Variants in TUBB6 observed in about 807,000 individuals in gnomAD.
The protein encoded by TUBB6 is tubulin beta 6 class V.
TUBB6 carries 18 observed loss-of-function variants against 32.3 expected under a neutral mutation model. The observed-to-expected ratio is 0.56, with a 90% CI of 0.39 to 0.83. TUBB6 has a LOEUF of 0.83. Ranked by LOEUF, TUBB6 falls within the 40% of genes least tolerant of loss-of-function variation. TUBB6 has a pLI of 0.00. For missense variants in TUBB6, 480 were observed against 632.0 expected, an observed-to-expected ratio of 0.76 and a Z score of 2.58; for synonymous variants, 280 against 265.8, an observed-to-expected ratio of 1.05 and a Z score of -0.52.
At chr18:12,324,666 GTC>G (rs1243210576) in intron 3 of TUBB6, 2 of 631,680 alleles carry the variant, frequency 3.2e-6, no homozygotes, top group African/African-American at 3.8e-5. Context: ...GCCCAGGCTG[GTC>G]TCTAACTCCT....
Position 12,325,401 on chromosome 18 carries a change from C to T in TUBB6, c.612C>T (p.Asn204=), listed in dbSNP as rs898873356. Residue 204 remains asparagine, a synonymous_variant, in exon 4 of 4, where the codon AAC becomes AAT. Transcript: ENST00000317702. ...CAGACGAGACCTACTGCATCGACAA[C>T]GAGGCGCTCTATGACATCTGCTTCC... is the stretch of plus-strand genomic sequence containing the variant. ...ENTDETYCID[N]EALYDICFRT... 1.4e-5 allele frequency: 22 copies of T among 1,614,104 alleles called. No homozygotes were observed. The highest frequency in any genetic ancestry group is 2.2e-5 in the East Asian group (1 of 44,890).
chr18:12,317,287 C>A (rs1906726321), intron 3 of TUBB6, among the ~76,000 whole-genome samples: 1 of 152,090 alleles, frequency 6.6e-6, no homozygotes, highest in Non-Finnish European at 1.5e-5. Context: ...CATAGTAAGA[C>A]CCTCTGTACA....
intron 3 of TUBB6, among the ~76,000 whole-genome samples, chr18:12,324,370 C>CA (rs547809402): frequency 8.2e-5 from 12 of 145,872 alleles, no homozygotes; most frequent in East Asian, 6.0e-4. Context: ...ACTGCGTCTC[C>CA]AAAAAAAAGA....
At chr18:12,314,687 C>T (rs1351564867) in intron 3 of TUBB6, among the ~76,000 whole-genome samples, 2 of 152,066 alleles carry the variant, frequency 1.3e-5, no homozygotes, top group Non-Finnish European at 2.9e-5. Context: ...ATACCTTCTT[C>T]AAAGAAGGAT....
chr18:12,325,950 C>A lies in TUBB6; in HGVS notation c.1161C>A (p.Ala387=), dbSNP rs759218977. 21 of 1,614,068 alleles carry A rather than the reference C, an allele frequency of 1.3e-5. No homozygotes were observed. Among genetic ancestry groups the A allele is most frequent in the Non-Finnish European group, 1.7e-5 (20 of 1,180,046 alleles). Residue 387 remains alanine (A), a synonymous_variant, in exon 4 of 4, where the codon GCC becomes GCA. Transcript: ENST00000317702. ...AGCGCATCTCCGAGCAGTTCTCAGC[C>A]ATGTTCCGGCGCAAGGCCTTCCTGC... The part of the protein sequence containing the change: ...LFKRISEQFS[A]MFRRKAFLHW...
chr18:12,326,246 C>T lies in TUBB6; in HGVS notation c.*116C>T. On this transcript the variant is annotated 3_prime_UTR_variant, in exon 4 of 4. Coordinates refer to ENST00000317702, the MANE Select transcript of TUBB6 (RefSeq NM_032525.3). ...ACTGGTTTAATTGTGTTGGTGTCGG[C>T]CCCTCACAAATGCAGCCAAGTCATG... 1 of 1,411,918 alleles carries T rather than the reference C, an allele frequency of 7.1e-7. No individual in the cohort carries two copies. Among genetic ancestry groups the T allele is most frequent in the Non-Finnish European group, 9.3e-7 (1 of 1,069,722 alleles). 87.5% of individuals were successfully genotyped at this position (1,411,918 alleles called of 1,614,324 possible).
intron 3 of TUBB6, 51 bp from the exon 4 acceptor site, chr18:12,325,016 G>A (rs1907196970): frequency 6.6e-7 from 1 of 1,525,532 alleles, no homozygotes; most frequent in Admixed American, 2.1e-5. Flanking sequence ...CAAGCATGGT[G>A]ATGGCGCAGC....
rs181193626 is a variant in TUBB6, at chr18:12,316,388, T to C, written c.277+5335T>C. On this transcript the variant is annotated intron_variant, in intron 3 of 3. Coordinates refer to ENST00000317702, the MANE Select transcript of TUBB6 (RefSeq NM_032525.3). ...CTATGGTGCCCATTTAGTTATCTAA[T>C]TGTCCCTGTAAGCCTTCAAAAATGT... Among the ~76,000 whole-genome samples the C allele has an allele frequency of 1.1e-4, 17 of 152,360 alleles. No individual in the cohort carries two copies. In the East Asian group the frequency reaches 3.3e-3, roughly 29 times the overall value.
chr18:12,309,307 C>G lies in TUBB6; in HGVS notation c.166+512C>G, dbSNP rs572386086. Among the ~76,000 whole-genome samples the G allele has an allele frequency of 3.3e-5, 5 of 150,080 alleles. No homozygotes were observed. The South Asian group carries it at 1.1e-3, about 32-fold the overall frequency. Reference sequence around the variant, plus strand: ...GGTCGAGGCTGCAGTGAGCTGTGATCGCGCCACTGCACTCCAGCCTGGGTG... The same window carrying G: ...GGTCGAGGCTGCAGTGAGCTGTGATGGCGCCACTGCACTCCAGCCTGGGTG... On this transcript the variant is annotated intron_variant, in intron 2 of 3. Transcript: ENST00000317702.
At chr18:12,313,185 C>G (rs2144135112) in intron 3 of TUBB6, among the ~76,000 whole-genome samples, 1 of 152,194 alleles carries the variant, frequency 6.6e-6, no homozygotes. Flanking sequence ...GTATAAGAAA[C>G]AGATGTCCAT....
chr18:12,312,254 T>C (rs1307031898), intron 3 of TUBB6, among the ~76,000 whole-genome samples: 1 of 152,042 alleles, frequency 6.6e-6, no homozygotes, highest in Non-Finnish European at 1.5e-5. Context: ...TACTTAAAAA[T>C]ATAGATGCAA....
intron 3 of TUBB6, among the ~76,000 whole-genome samples, chr18:12,312,265 A>C (rs1005175569): frequency 6.6e-6 from 1 of 151,912 alleles, no homozygotes; most frequent in African/African-American, 2.4e-5. Flanking sequence ...ATAGATGCAA[A>C]AATCCAAAAT....
upstream of TUBB6, chr18:12,308,040 G>A (rs1906077816): frequency 6.5e-6 from 1 of 153,032 alleles, no homozygotes; most frequent in Non-Finnish European, 1.5e-5. Context: ...TCTCCTCCCC[G>A]CCAGCTCCGG....
At chr18:12,319,722 G>A (rs1906878990) in intron 3 of TUBB6, among the ~76,000 whole-genome samples, 1 of 152,140 alleles carries the variant, frequency 6.6e-6, no homozygotes, top group South Asian at 2.1e-4. Flanking sequence ...GGGAGGCCAA[G>A]ACAGGATGAT....
chr18:12,309,412 C>T (rs896030327), intron 2 of TUBB6, among the ~76,000 whole-genome samples: 3 of 82,000 alleles, frequency 3.7e-5, no homozygotes, highest in African/African-American at 1.4e-4. Flanking sequence ...CCCCCCCCCC[C>T]CCAGTTTAAA....
Position 12,325,533 on chromosome 18 carries a change from T to C in TUBB6, c.744T>C (p.Ala248=). 6.2e-7 allele frequency: 1 copy of C among 1,614,218 alleles called. No individual in the cohort carries two copies. The highest frequency in any genetic ancestry group is 8.5e-7 in the Non-Finnish European group (1 of 1,180,050). Residue 248 remains alanine, a synonymous_variant, in exon 4 of 4, where the codon GCT becomes GCC. Transcript: ENST00000317702. ...TGCGCTTCCCGGGCCAGCTCAATGC[T>C]GACCTGCGCAAGCTGGCGGTGAACA... ...TSLRFPGQLN[A]DLRKLAVNMV...
At chr18:12,321,660 G>A (rs557021699) in intron 3 of TUBB6, among the ~76,000 whole-genome samples, 4 of 152,332 alleles carry the variant, frequency 2.6e-5, no homozygotes, top group South Asian at 2.1e-4. Flanking sequence ...GCCACCAGCC[G>A]TGTGTAGACA....
At chr18:12,313,985 G>A (rs1340558388) in intron 3 of TUBB6, among the ~76,000 whole-genome samples, 2 of 152,182 alleles carry the variant, frequency 1.3e-5, no homozygotes, top group Non-Finnish European at 2.9e-5. Flanking sequence ...ATTCTGTATT[G>A]TGAGAAAGGA....
In TUBB6 at chr18:12,326,131, TCGGAATAGAGC is replaced by T; in HGVS notation, c.*4_*14del. 2 of 1,609,068 alleles carry T rather than the reference TCGGAATAGAGC, an allele frequency of 1.2e-6. No individual in the cohort carries two copies. Among genetic ancestry groups the T allele is most frequent in the Non-Finnish European group, 1.7e-6 (2 of 1,177,304 alleles). ...TGAGGAAGAGGAGATCGATGGATAG[TCGGAATAGAGC>T]CGCCCCAACTCAGATCCTACAACAC... On this transcript the variant is annotated 3_prime_UTR_variant, in exon 4 of 4. Coordinates refer to ENST00000317702, the MANE Select transcript of TUBB6 (RefSeq NM_032525.3).
Sources: gnomAD v4.1 joint callset for allele counts (sites outside exome capture counted in the v4.1 genomes callset) on GRCh38, gnomAD v4.1.1 for gene constraint, MANE v1.5 for transcripts, NCBI Gene and HGNC (gene_info 2026-07-23, HGNC 2026-07-21) for gene names.